Variants in ZNF148 observed in about 807,000 individuals in gnomAD.
ZNF148 encodes Beta-Enolase Repressor Factor-1.
A neutral mutation model predicts 67.7 loss-of-function variants in ZNF148; 7 were observed. The observed-to-expected ratio is 0.10, with a 90% CI of 0.06 to 0.19. The LOEUF (loss-of-function observed/expected upper bound fraction) is 0.19, where lower values mean the gene tolerates loss of function less well. ZNF148 is among the 10% of genes least tolerant of loss of function. The pLI, the probability that ZNF148 is intolerant of heterozygous loss-of-function variation, is 1.00. For missense variants in ZNF148, 583 were observed against 947.1 expected (o/e 0.62, Z 5.05); for synonymous variants, 333 against 330.7 (o/e 1.01, Z -0.08).
At chr3:125,269,866 A>G (rs1486398324) in intron 7 of ZNF148, among the ~76,000 whole-genome samples, 1 of 151,658 alleles carries the variant, frequency 6.6e-6, no homozygotes, top group Non-Finnish European at 1.5e-5. Flanking sequence ...AGAAAACCAA[A>G]TAACACATGT....
chr3:125,328,585 G>A (rs1941131945), intron 2 of ZNF148, among the ~76,000 whole-genome samples: 2 of 151,450 alleles, frequency 1.3e-5, no homozygotes, highest in South Asian at 4.2e-4. Context: ...CTATGTATGT[G>A]TCAAGCAAAA....
intron 7 of ZNF148, among the ~76,000 whole-genome samples, chr3:125,235,702 A>G (rs988090248): frequency 4.6e-5 from 7 of 152,050 alleles, no homozygotes; most frequent in African/African-American, 1.7e-4. Context: ...AACCAACCCA[A>G]ATGTCCAACA....
Position 125,279,253 on chromosome 3 carries a change from T to C in ZNF148, c.460-6A>G. ...TCCTCATTTATTGTAAGGATCTAGT[T>C]CAAAAAAAAAAAGGCAAAAACAAAA... On this transcript the variant is annotated splice_region_variant and splice_polypyrimidine_tract_variant and intron_variant, in intron 5 of 8. Transcript: ENST00000360647. 9.9e-7 allele frequency: 1 copy of C among 1,012,020 alleles called. No individual in the cohort carries two copies. The highest frequency in any genetic ancestry group is 1.3e-6 in the Non-Finnish European group (1 of 789,000). The allele number at this position is 1,012,020 out of a possible 1,614,324, so 62.7% of individuals were successfully genotyped here.
intron 7 of ZNF148, among the ~76,000 whole-genome samples, chr3:125,262,387 G>A (rs983119394): frequency 3.3e-4 from 51 of 152,358 alleles, no homozygotes; most frequent in African/African-American, 1.2e-3. Context: ...TGACGAAATT[G>A]TAGTTTGAGC....
At chr3:125,301,712 T>C (rs1430745338) in intron 4 of ZNF148, among the ~76,000 whole-genome samples, 1 of 152,226 alleles carries the variant, frequency 6.6e-6, no homozygotes, top group Non-Finnish European at 1.5e-5. Flanking sequence ...GTTAAGTTTC[T>C]ACAGTTTTGG....
At chr3:125,335,776 T>C (rs969287324) in intron 1 of ZNF148, among the ~76,000 whole-genome samples, 6 of 152,256 alleles carry the variant, frequency 3.9e-5, no homozygotes, top group African/African-American at 1.2e-4. Context: ...TCACATTTCA[T>C]GTAGACAGTT....
At position 125,261,801 on chromosome 3, in the gene ZNF148, A is replaced by G. The variant is rs141425998; in HGVS notation, c.667+15925T>C. On this transcript the variant is annotated intron_variant, in intron 7 of 8. Transcript: ENST00000360647. Reference sequence around the variant, plus strand: ...AAGAACTGAGAGGGTGGGGCATTCAAAATAACCTGACAGGGGTTGACAAGT... The same window carrying G: ...AAGAACTGAGAGGGTGGGGCATTCAGAATAACCTGACAGGGGTTGACAAGT... 4.7e-3 allele frequency among the ~76,000 whole-genome samples: 713 copies of G among 151,090 alleles called. 4 individuals carry two copies. The highest frequency in any genetic ancestry group is 0.031 in the Middle Eastern group (9 of 294).
At chr3:125,332,084 A>G (rs9289249) in intron 1 of ZNF148, among the ~76,000 whole-genome samples, 12,492 of 152,256 alleles carry the variant, frequency 0.082, 615 homozygotes, top group Non-Finnish European at 0.099. Context: ...TTTTCTAGAA[A>G]TTGATAATCT....
chr3:125,335,544 CTT>C (rs1941456360), intron 1 of ZNF148, among the ~76,000 whole-genome samples: 1 of 152,148 alleles, frequency 6.6e-6, no homozygotes, highest in Non-Finnish European at 1.5e-5. Flanking sequence ...CCACTATAAA[CTT>C]TATGAAACAC....
chr3:125,283,352 A>C (rs758492179), intron 5 of ZNF148, among the ~76,000 whole-genome samples: 2 of 152,180 alleles, frequency 1.3e-5, no homozygotes, highest in African/African-American at 2.4e-5. Flanking sequence ...CAGCACCAGA[A>C]CAAGAAATTC....
intron 1 of ZNF148, among the ~76,000 whole-genome samples, chr3:125,354,627 C>T (rs1202246326): frequency 6.6e-6 from 1 of 152,214 alleles, no homozygotes; most frequent in Non-Finnish European, 1.5e-5. Context: ...TAGTGATCCT[C>T]ACACAACAGA....
chr3:125,304,957 C>T (rs117661780), intron 4 of ZNF148, among the ~76,000 whole-genome samples: 1,586 of 152,252 alleles, frequency 0.01, 70 homozygotes, highest in Admixed American at 0.061. Context: ...CAACGACTGA[C>T]GAGATATGTC....
intron 1 of ZNF148, among the ~76,000 whole-genome samples, chr3:125,348,477 T>G (rs1273905682): frequency 1.3e-5 from 1 of 79,342 alleles, no homozygotes; most frequent in African/African-American, 4.9e-5. Flanking sequence ...CAAGACCCTG[T>G]CTCAAAAAAA....
chr3:125,329,332 T>C (rs1941173615), intron 2 of ZNF148, among the ~76,000 whole-genome samples: 1 of 96,654 alleles, frequency 1.0e-5, no homozygotes, highest in Non-Finnish European at 2.2e-5. Context: ...TAATTTTTTA[T>C]ATATATATAA....
At chr3:125,255,122 T>C (rs777966101) in intron 7 of ZNF148, among the ~76,000 whole-genome samples, 3 of 152,238 alleles carry the variant, frequency 2.0e-5, no homozygotes, top group Middle Eastern at 6.8e-3. Flanking sequence ...CTATTGGTGT[T>C]ACACATTTTC....
intron 7 of ZNF148, among the ~76,000 whole-genome samples, chr3:125,275,656 G>T (rs1292998003): frequency 3.9e-5 from 6 of 152,122 alleles, no homozygotes; most frequent in Non-Finnish European, 8.8e-5. Flanking sequence ...ACAGTTTTCT[G>T]GTACTTAGTA....
At chr3:125,318,603 G>C (rs1339420391) in intron 3 of ZNF148, among the ~76,000 whole-genome samples, 1 of 152,200 alleles carries the variant, frequency 6.6e-6, no homozygotes, top group Non-Finnish European at 1.5e-5. Flanking sequence ...TGAGCTCCCT[G>C]TGAAGACCCT....
At chr3:125,339,814 TA>T (rs1292490931) in intron 1 of ZNF148, among the ~76,000 whole-genome samples, 2 of 152,112 alleles carry the variant, frequency 1.3e-5, no homozygotes, top group African/African-American at 4.8e-5. Flanking sequence ...AAATTAAAAA[TA>T]AATTTTAAGT....
chr3:125,363,703 C>G (rs1339492701), intron 1 of ZNF148, among the ~76,000 whole-genome samples: 1 of 151,602 alleles, frequency 6.6e-6, no homozygotes, highest in African/African-American at 2.4e-5. Flanking sequence ...GTCACCCAGG[C>G]TGGAGTGTAG....
Sources: gnomAD v4.1 joint callset for allele counts (sites outside exome capture counted in the v4.1 genomes callset) on GRCh38, gnomAD v4.1.1 for gene constraint, MANE v1.5 for transcripts, NCBI Gene and HGNC (gene_info 2026-07-23, HGNC 2026-07-21) for gene names.